The following PAPSS1 variants were observed in gnomAD, a reference collection of about 807,000 sequenced individuals.
PAPSS1 encodes the protein bifunctional 3'-phosphoadenosine 5'-phosphosulfate synthase 1.
PAPSS1 carries 50 observed loss-of-function variants against 72.0 expected under a neutral mutation model. That is an observed-to-expected ratio of 0.69 (90% CI 0.55 to 0.88). The LOEUF (loss-of-function observed/expected upper bound fraction) is 0.88. PAPSS1 is among the 40% of genes least tolerant of loss of function. The pLI is 0.00. For missense variants in PAPSS1, 657 were observed against 782.2 expected (o/e 0.84, Z 1.91); for synonymous variants, 261 against 263.6 (o/e 0.99, Z 0.09).
intron 9 of PAPSS1, among the ~76,000 whole-genome samples, chr4:107,646,843 G>A (rs899725630): frequency 1.3e-5 from 2 of 152,110 alleles, no homozygotes. Context: ...TGCTCCACAG[G>A]CACCTCACCA....
At chr4:107,640,427 G>A (rs1451297893) in intron 10 of PAPSS1, among the ~76,000 whole-genome samples, 1 of 152,162 alleles carries the variant, frequency 6.6e-6, no homozygotes, top group African/African-American at 2.4e-5. Context: ...TGGTACCAAT[G>A]CCTTCTAAAT....
intron 5 of PAPSS1, among the ~76,000 whole-genome samples, chr4:107,673,153 C>G (rs925794530): frequency 6.6e-6 from 1 of 152,142 alleles, no homozygotes; most frequent in South Asian, 2.1e-4. Context: ...AATCAGAGCA[C>G]CTCTCCTCCT....
intron 9 of PAPSS1, among the ~76,000 whole-genome samples, chr4:107,650,687 T>C (rs748645179): frequency 1.3e-5 from 2 of 152,180 alleles, no homozygotes; most frequent in Non-Finnish European, 2.9e-5. Flanking sequence ...CTTAAATAAT[T>C]TGAATATATG....
At chr4:107,659,735 T>A (rs1256827801) in intron 6 of PAPSS1, among the ~76,000 whole-genome samples, 1 of 152,126 alleles carries the variant, frequency 6.6e-6, no homozygotes, top group Non-Finnish European at 1.5e-5. Flanking sequence ...TCAAAATAAA[T>A]AAGTATTATT....
At chr4:107,664,478 C>A (rs1727264958) in intron 5 of PAPSS1, among the ~76,000 whole-genome samples, 1 of 152,180 alleles carries the variant, frequency 6.6e-6, no homozygotes, top group Non-Finnish European at 1.5e-5. Context: ...CAGTCCACTG[C>A]AATGCTCCAG....
intron 11 of PAPSS1, among the ~76,000 whole-genome samples, chr4:107,621,226 G>A (rs188753197): frequency 7.9e-5 from 12 of 152,168 alleles, no homozygotes; most frequent in African/African-American, 2.7e-4. Flanking sequence ...TGAGATTTAT[G>A]GCATAGTATG....
chr4:107,655,984 A>T (rs1726996206), intron 7 of PAPSS1, among the ~76,000 whole-genome samples: 1 of 152,244 alleles, frequency 6.6e-6, no homozygotes, highest in African/African-American at 2.4e-5. Context: ...CTTGGTAGCA[A>T]TTATAGTAGG....
rs985609841 is a variant in PAPSS1 at position 107,648,971 on chromosome 4, T to C, written c.1238-3901A>G. On this transcript the variant is annotated intron_variant, in intron 9 of 11. Transcript: ENST00000265174. Reference sequence around the variant, plus strand: ...AGAATTTTTCACAAAACTGGTAAATTCATATTCTAAAGTATGGCAGCAATG... The same window carrying C: ...AGAATTTTTCACAAAACTGGTAAATCCATATTCTAAAGTATGGCAGCAATG... Among the ~76,000 whole-genome samples the C allele has an allele frequency of 7.9e-5, 12 of 152,342 alleles. No homozygotes were observed. In the East Asian group the frequency reaches 2.3e-3, roughly 29 times the overall value.
intron 9 of PAPSS1, among the ~76,000 whole-genome samples, chr4:107,650,661 A>G (rs2110315861): frequency 6.6e-6 from 1 of 152,292 alleles, no homozygotes; most frequent in African/African-American, 2.4e-5. Flanking sequence ...ATCACAGAAA[A>G]CCCAACTAAA....
At chr4:107,656,283 G>C (rs143819004) in intron 7 of PAPSS1, among the ~76,000 whole-genome samples, 67 of 151,964 alleles carry the variant, frequency 4.4e-4, no homozygotes, top group African/African-American at 1.5e-3. Context: ...ACCTAGCTAA[G>C]TTTTGTATTC....
rs761649509 is a variant in PAPSS1, at chr4:107,645,010, T to C, written c.1298A>G (p.Gln433Arg). ...PVHNGHALLM[Q>R]DTHKQLLERG... ...CTCTAGAAGTTGCTTATGGGTATCC[T>C]GCATTAACAGGGCATGTCCATTGTG... The change falls in exon 10 of 12, where the codon CAG (glutamine) becomes CGG (arginine). Residue 433 changes from glutamine to arginine, a missense_variant. Physicochemically the swap from Gln to Arg is conservative, Grantham distance 43. This residue lies in a region of PAPSS1 where 166 missense variants were observed against 228.3 expected (regional missense o/e 0.73). Transcript: ENST00000265174. 4 of 1,609,996 alleles carry C rather than the reference T, an allele frequency of 2.5e-6. No homozygotes were observed. Among genetic ancestry groups the C allele is most frequent in the Non-Finnish European group, 3.4e-6 (4 of 1,177,836 alleles).
intron 11 of PAPSS1, among the ~76,000 whole-genome samples, chr4:107,630,175 C>T (rs1176048019): frequency 6.8e-6 from 1 of 148,046 alleles, no homozygotes; most frequent in East Asian, 1.9e-4. Flanking sequence ...GGTATCATCA[C>T]TCACAAAAGT....
chr4:107,687,247 T>G, intron 3 of PAPSS1, 70 bp from the exon 4 acceptor site: 115 of 973,838 alleles, frequency 1.2e-4, no homozygotes, highest in Non-Finnish European at 1.5e-4. Flanking sequence ...TAAAGATGAG[T>G]AAAAAGTGCT....
At chr4:107,644,516 G>A (rs1726641030) in intron 10 of PAPSS1, among the ~76,000 whole-genome samples, 2 of 152,160 alleles carry the variant, frequency 1.3e-5, no homozygotes, top group African/African-American at 4.8e-5. Flanking sequence ...GGAGCTTGTG[G>A]CATACCTTCC....
chr4:107,699,081 T>C (rs1386054910), intron 2 of PAPSS1, among the ~76,000 whole-genome samples: 1 of 152,138 alleles, frequency 6.6e-6, no homozygotes, highest in East Asian at 1.9e-4. Context: ...ATAAGCTTTA[T>C]TTATAAGTAT....
chr4:107,634,917 T>C lies in PAPSS1; in HGVS notation c.1507-3057A>G, dbSNP rs988498360. Among the ~76,000 whole-genome samples, 38 of 150,542 alleles carry C rather than the reference T, an allele frequency of 2.5e-4. 1 individual carries two copies. Among genetic ancestry groups the C allele is most frequent in the East Asian group, 9.8e-4 (5 of 5,098 alleles). On this transcript the variant is annotated intron_variant, in intron 10 of 11. Transcript: ENST00000265174. ...GGTTCACACCATTCTCCTGCCTCAG[T>C]CTCCCGAGTAGCTGGGACTACAGGC... is the stretch of plus-strand genomic sequence containing the variant.
At chr4:107,641,010 G>A (rs775559605) in intron 10 of PAPSS1, among the ~76,000 whole-genome samples, 1 of 152,046 alleles carries the variant, frequency 6.6e-6, no homozygotes, top group Non-Finnish European at 1.5e-5. Context: ...TGGCAGCAAG[G>A]AGCCCTAGAA....
At chr4:107,652,155 G>A (rs762753966) in intron 9 of PAPSS1, among the ~76,000 whole-genome samples, 39 of 152,138 alleles carry the variant, frequency 2.6e-4, no homozygotes, top group Admixed American at 6.6e-4. Flanking sequence ...ACATTCACCT[G>A]CCCTTTCTCA....
At chr4:107,638,789 T>C (rs980602632) in intron 10 of PAPSS1, among the ~76,000 whole-genome samples, 1 of 152,240 alleles carries the variant, frequency 6.6e-6, no homozygotes, top group Admixed American at 6.5e-5. Flanking sequence ...CTCTTCCTAA[T>C]ATACCAGTCA....
Sources: gnomAD v4.1 joint callset for allele counts (sites outside exome capture counted in the v4.1 genomes callset) on GRCh38, gnomAD v4.1.1 for gene constraint, gnomAD v4.1.1 regional missense constraint, MANE v1.5 for transcripts, NCBI Gene and HGNC (gene_info 2026-07-23, HGNC 2026-07-21) for gene names.